The following NDUFAF2 variants were observed in gnomAD, a reference collection of about 807,000 sequenced individuals.
NDUFAF2 encodes the protein NADH dehydrogenase [ubiquinone] 1 alpha subcomplex assembly factor 2.
In NDUFAF2, 13 loss-of-function variants were observed where a neutral mutation model predicts 22.8. The ratio of observed to expected loss-of-function variants is 0.57; its 90% CI spans 0.37 to 0.91. NDUFAF2 has a LOEUF of 0.91. NDUFAF2 is among the 40% of genes least tolerant of loss of function. The probability of loss-of-function intolerance (pLI) is 0.01; values close to 1 mark genes in which losing one functional copy is unlikely to be tolerated. For synonymous variants in NDUFAF2, 53 were observed against 64.2 expected (o/e 0.83, Z 0.84); for missense variants, 162 against 195.2 (o/e 0.83, Z 1.01).
rs773410319 is a variant in NDUFAF2 at position 61,099,002 on chromosome 5, A to G, written c.228A>G (p.Arg76=). 6.3e-7 allele frequency: 1 copy of G among 1,599,362 alleles called. No homozygotes were observed. Among genetic ancestry groups the G allele is most frequent in the Non-Finnish European group, 8.6e-7 (1 of 1,168,944 alleles). ...DIPTEWEAWI[R]RTRKTPPTME... is the part of the protein sequence containing the mutation. ...TATTTTTCTTTCTAGCTTGGATTAG[A>G]AGAACAAGAAAGACTCCACCTACTA... The change falls in exon 3 of 4, where the codon AGA becomes AGG. Residue 76 remains arginine, a synonymous_variant. Coordinates refer to ENST00000296597, the MANE Select transcript of NDUFAF2 (RefSeq NM_174889.5).
chr5:60,983,582 G>A (rs1275389737), intron 1 of NDUFAF2, among the ~76,000 whole-genome samples: 1 of 149,652 alleles, frequency 6.7e-6, no homozygotes, highest in Non-Finnish European at 1.5e-5. Context: ...TTTGTATAAG[G>A]TGTAAGGAAG....
At chr5:61,034,469 C>T (rs915216487) in intron 1 of NDUFAF2, among the ~76,000 whole-genome samples, 4 of 152,042 alleles carry the variant, frequency 2.6e-5, no homozygotes, top group African/African-American at 9.7e-5. Context: ...AGAAAAGGTA[C>T]AGTAAAAATG....
chr5:61,034,089 A>T (rs1185315726), intron 1 of NDUFAF2, among the ~76,000 whole-genome samples: 1 of 152,156 alleles, frequency 6.6e-6, no homozygotes, highest in East Asian at 1.9e-4. Context: ...TTGGATGCAT[A>T]TTCTAATTTA....
chr5:61,095,981 T>C (rs1189785576), intron 2 of NDUFAF2, among the ~76,000 whole-genome samples: 1 of 152,170 alleles, frequency 6.6e-6, no homozygotes, highest in Non-Finnish European at 1.5e-5. Context: ...TAGCTGTTTC[T>C]AGTCGTCCAT....
At chr5:61,084,231 AT>A (rs869063486) in intron 2 of NDUFAF2, among the ~76,000 whole-genome samples, 8 of 25,030 alleles carry the variant, frequency 3.2e-4, no homozygotes, top group African/African-American at 4.9e-4. Context: ...TTTTATGATT[AT>A]TTTTTTTCAT....
intron 1 of NDUFAF2, among the ~76,000 whole-genome samples, chr5:61,041,076 A>C (rs988006363): frequency 6.6e-6 from 1 of 152,200 alleles, no homozygotes; most frequent in African/African-American, 2.4e-5. Context: ...TATAAAGATT[A>C]ACATTTAGTA....
intron 3 of NDUFAF2, among the ~76,000 whole-genome samples, chr5:61,150,929 C>G (rs1741228378): frequency 6.6e-6 from 1 of 152,172 alleles, no homozygotes; most frequent in South Asian, 2.1e-4. Context: ...GATTTCTCTA[C>G]TCTCACCCTC....
chr5:60,945,567 C>A, intron 1 of NDUFAF2, 185 bp downstream of exon 1: 1 of 896,300 alleles, frequency 1.1e-6, no homozygotes, highest in Non-Finnish European at 1.7e-6. Context: ...CTACCCGGCC[C>A]GGCTCTGGGC....
intron 1 of NDUFAF2, among the ~76,000 whole-genome samples, chr5:61,019,284 G>T (rs1751549121): frequency 6.6e-6 from 1 of 152,168 alleles, no homozygotes; most frequent in Admixed American, 6.5e-5. Flanking sequence ...TTATTTTGGA[G>T]ATTAGGCAAG....
At chr5:61,012,669 TTG>T (rs1276704922) in intron 1 of NDUFAF2, among the ~76,000 whole-genome samples, 1 of 152,042 alleles carries the variant, frequency 6.6e-6, no homozygotes, top group Non-Finnish European at 1.5e-5. Context: ...TAAATGTAAA[TTG>T]TAGAATACAT....
chr5:61,077,105 T>A (rs1752380289), intron 2 of NDUFAF2, among the ~76,000 whole-genome samples: 1 of 152,204 alleles, frequency 6.6e-6, no homozygotes, highest in Non-Finnish European at 1.5e-5. Flanking sequence ...CAAGTAGAGA[T>A]GTTAAATTGT....
chr5:61,035,986 C>A (rs943527656), intron 1 of NDUFAF2, among the ~76,000 whole-genome samples: 3 of 152,078 alleles, frequency 2.0e-5, no homozygotes, highest in African/African-American at 7.2e-5. Flanking sequence ...ACAAAACTCA[C>A]CGGTTTAACA....
At chr5:61,088,269 C>T (rs10071281) in intron 2 of NDUFAF2, among the ~76,000 whole-genome samples, 116,507 of 151,908 alleles carry the variant, frequency 0.77, 44,975 homozygotes, top group East Asian at 1. Flanking sequence ...TCTTATATAA[C>T]GTAATCACAT....
intron 1 of NDUFAF2, among the ~76,000 whole-genome samples, chr5:60,988,348 A>G (rs888983484): frequency 4.6e-5 from 7 of 152,202 alleles, no homozygotes; most frequent in Admixed American, 2.0e-4. Context: ...TAAAATGGCC[A>G]TACTCCTCAA....
chr5:61,115,702 A>G (rs1339430028), intron 3 of NDUFAF2: 1 of 152,188 alleles, frequency 6.6e-6, no homozygotes, highest in African/African-American at 2.4e-5. Context: ...AAGGACTGAT[A>G]CATGACAGCT....
chr5:61,027,470 T>C (rs1193026362), intron 1 of NDUFAF2, among the ~76,000 whole-genome samples: 1 of 152,036 alleles, frequency 6.6e-6, no homozygotes, highest in East Asian at 1.9e-4. Flanking sequence ...ACCAGTTAAA[T>C]ATATTTTGAC....
chr5:61,051,846 A>T (rs912224761), intron 1 of NDUFAF2, among the ~76,000 whole-genome samples: 1 of 152,212 alleles, frequency 6.6e-6, no homozygotes, highest in Non-Finnish European at 1.5e-5. Flanking sequence ...ATGAGGCACT[A>T]ATATAAACTC....
At chr5:60,973,570 C>T (rs566740778) in intron 1 of NDUFAF2, among the ~76,000 whole-genome samples, 109 of 152,188 alleles carry the variant, frequency 7.2e-4, no homozygotes, top group Admixed American at 1.3e-3. Context: ...GTGAGCTTTG[C>T]GAACCAAGGG....
chr5:60,990,754 A>AC (rs1270777974), intron 1 of NDUFAF2, among the ~76,000 whole-genome samples: 1 of 152,176 alleles, frequency 6.6e-6, no homozygotes, highest in Non-Finnish European at 1.5e-5. Context: ...AAATCACGTA[A>AC]CCACCTTGAA....
Sources: gnomAD v4.1 joint callset for allele counts (sites outside exome capture counted in the v4.1 genomes callset) on GRCh38, gnomAD v4.1.1 for gene constraint, MANE v1.5 for transcripts, NCBI Gene and HGNC (gene_info 2026-07-23, HGNC 2026-07-21) for gene names.